Variants in HHAT observed in about 807,000 individuals in gnomAD.
HHAT encodes hedgehog acyltransferase.
Under a neutral mutation model 70.8 loss-of-function variants are expected in HHAT, and 47 were observed. The observed-to-expected ratio is 0.66, with a 90% CI of 0.53 to 0.85. The LOEUF is 0.85. HHAT is among the 40% of genes least tolerant of loss of function. The pLI is 0.00. For synonymous variants in HHAT, 228 were observed against 247.6 expected (o/e 0.92, Z 0.74); for missense variants, 609 against 604.8 (o/e 1.01, Z -0.07).
At chr1:210,610,420 C>T (rs926245931) in intron 10 of HHAT, among the ~76,000 whole-genome samples, 1 of 152,140 alleles carries the variant, frequency 6.6e-6, no homozygotes, top group Non-Finnish European at 1.5e-5. Flanking sequence ...GGATAGTAGA[C>T]CTTTGTCATA....
chr1:210,566,475 G>A (rs369612905), intron 9 of HHAT, among the ~76,000 whole-genome samples: 38 of 152,096 alleles, frequency 2.5e-4, no homozygotes, highest in African/African-American at 8.9e-4. Context: ...AGTTGCCTTC[G>A]CAACCATCGC....
chr1:210,660,287 G>A (rs149016903), intron 11 of HHAT, among the ~76,000 whole-genome samples: 7 of 152,134 alleles, frequency 4.6e-5, no homozygotes, highest in Non-Finnish European at 1.0e-4. Flanking sequence ...AACAGAGAGC[G>A]AAATCATGAG....
chr1:210,647,449 C>A (rs1461896976), intron 11 of HHAT, among the ~76,000 whole-genome samples: 1 of 152,154 alleles, frequency 6.6e-6, no homozygotes, highest in Admixed American at 6.5e-5. Context: ...TTCCTCCAGC[C>A]AGGATGCCTA....
intron 3 of HHAT, among the ~76,000 whole-genome samples, chr1:210,384,420 G>T (rs1198420966): frequency 6.6e-6 from 1 of 152,146 alleles, no homozygotes; most frequent in East Asian, 1.9e-4. Flanking sequence ...CTGTAGGAAG[G>T]CATAATCAGT....
intron 9 of HHAT, among the ~76,000 whole-genome samples, chr1:210,527,535 T>A (rs983085004): frequency 1.3e-5 from 2 of 152,220 alleles, no homozygotes; most frequent in African/African-American, 2.4e-5. Flanking sequence ...GCATCATAAA[T>A]TTCCTGGCTA....
intron 7 of HHAT, among the ~76,000 whole-genome samples, chr1:210,422,753 C>T (rs1237259326): frequency 6.6e-6 from 1 of 152,174 alleles, no homozygotes; most frequent in African/African-American, 2.4e-5. Flanking sequence ...TCTCTTACCT[C>T]AGCCTCCTGA....
intron 7 of HHAT, among the ~76,000 whole-genome samples, chr1:210,447,984 G>T (rs979441435): frequency 2.6e-5 from 4 of 152,082 alleles, no homozygotes; most frequent in Admixed American, 2.6e-4. Flanking sequence ...GTGGCTGGAT[G>T]ACCAGCTGCC....
intron 9 of HHAT, among the ~76,000 whole-genome samples, chr1:210,568,121 G>A (rs912970922): frequency 6.6e-6 from 1 of 152,182 alleles, no homozygotes. Flanking sequence ...GTGGCTGAAG[G>A]TTAAGCTGAT....
intron 1 of HHAT, among the ~76,000 whole-genome samples, chr1:210,332,051 T>G (rs1308541065): frequency 6.6e-6 from 1 of 152,214 alleles, no homozygotes; most frequent in Non-Finnish European, 1.5e-5. Context: ...GCATGTACTT[T>G]AATGTGGTTG....
chr1:210,641,699 T>C (rs1458276033), intron 11 of HHAT, among the ~76,000 whole-genome samples: 2 of 152,202 alleles, frequency 1.3e-5, no homozygotes, highest in African/African-American at 2.4e-5. Context: ...TGCAGAAAAC[T>C]TCACTCAGCG....
At chr1:210,570,599 G>A (rs1656036416) in intron 9 of HHAT, among the ~76,000 whole-genome samples, 1 of 152,198 alleles carries the variant, frequency 6.6e-6, no homozygotes, top group South Asian at 2.1e-4. Context: ...TGCGTGTGGA[G>A]TGGAGCAGAA....
At chr1:210,419,489 CT>C (rs1277736245) in intron 7 of HHAT, among the ~76,000 whole-genome samples, 1 of 152,200 alleles carries the variant, frequency 6.6e-6, no homozygotes. Context: ...CCCGCAGTGG[CT>C]GACTTCTGCC....
At chr1:210,339,672 T>C (rs1057328367) in intron 1 of HHAT, among the ~76,000 whole-genome samples, 3 of 152,128 alleles carry the variant, frequency 2.0e-5, no homozygotes, top group African/African-American at 7.2e-5. Flanking sequence ...GAGGTCATCA[T>C]GGCCCCCTCC....
chr1:210,363,551 T>G (rs1446134628), intron 3 of HHAT, among the ~76,000 whole-genome samples: 1 of 152,056 alleles, frequency 6.6e-6, no homozygotes, highest in Non-Finnish European at 1.5e-5. Context: ...CCTGACTACT[T>G]TTTTCTCCCA....
At chr1:210,424,470 G>T (rs1261672543) in intron 7 of HHAT, among the ~76,000 whole-genome samples, 1 of 145,968 alleles carries the variant, frequency 6.9e-6, no homozygotes, top group African/African-American at 2.5e-5. Context: ...AGGGGTACGT[G>T]TGCAAGTTTA....
chr1:210,422,751 C>G (rs191497848), intron 7 of HHAT, among the ~76,000 whole-genome samples: 10 of 152,300 alleles, frequency 6.6e-5, no homozygotes, highest in African/African-American at 2.2e-4. Flanking sequence ...ATTCTCTTAC[C>G]TCAGCCTCCT....
chr1:210,533,590 C>G (rs180714503), intron 9 of HHAT, among the ~76,000 whole-genome samples: 1 of 152,310 alleles, frequency 6.6e-6, no homozygotes, highest in East Asian at 1.9e-4. Flanking sequence ...GCTTCTCCAT[C>G]CTATCCTTGA....
chr1:210,329,607 T>C (rs1252136550), intron 1 of HHAT: 1 of 413,234 alleles, frequency 2.4e-6, no homozygotes, highest in African/African-American at 2.2e-5. Context: ...CAGAGGTACT[T>C]TACGGGTAGC....
chr1:210,355,968 G>C (rs574945687), intron 2 of HHAT, among the ~76,000 whole-genome samples: 5 of 152,128 alleles, frequency 3.3e-5, no homozygotes, highest in Non-Finnish European at 7.4e-5. Context: ...TCAGGCTGGA[G>C]TGTAGTGGCT....
Sources: allele counts gnomAD v4.1 joint callset (sites outside exome capture counted in the v4.1 genomes callset), GRCh38; gene constraint gnomAD v4.1.1; transcripts MANE v1.5; gene names NCBI Gene and HGNC (gene_info 2026-07-23, HGNC 2026-07-21).